ADAMTSL1: variants seen among roughly 807,000 people sequenced by gnomAD.
The protein encoded by ADAMTSL1 is ADAMTS like 1.
In ADAMTSL1, 126 loss-of-function variants were observed where a neutral mutation model predicts 201.8. The ratio of observed to expected loss-of-function variants is 0.62; its 90% confidence interval spans 0.54 to 0.72. ADAMTSL1 has a LOEUF of 0.72. Among genes scored for constraint, ADAMTSL1 ranks in the 30% least tolerant of loss-of-function variants. The pLI, the probability that ADAMTSL1 is intolerant of heterozygous loss-of-function variation, is 0.00. For synonymous variants in ADAMTSL1, 1,121 were observed against 903.4 expected, an observed-to-expected ratio of 1.24 and a Z score of -4.32; for missense variants, 2,679 against 2,277.8, an observed-to-expected ratio of 1.18 and a Z score of -3.59.
intron 1 of ADAMTSL1, among the ~76,000 whole-genome samples, chr9:18,004,037 C>G (rs550547410): frequency 6.6e-6 from 1 of 152,064 alleles, no homozygotes; most frequent in East Asian, 1.9e-4. Context: ...GAAAATATTT[C>G]TTTTGATGAT....
At chr9:18,797,665 T>C (rs1822513033) in intron 20 of ADAMTSL1, among the ~76,000 whole-genome samples, 4 of 152,322 alleles carry the variant, frequency 2.6e-5, no homozygotes, top group Middle Eastern at 3.4e-3. Context: ...GTTATACTCC[T>C]TATTAGCTGT....
chr9:18,279,846 G>T lies in ADAMTSL1; in HGVS notation c.207+115865G>T, dbSNP rs144819607. On this transcript the variant is annotated intron_variant, in intron 2 of 29. Coordinates refer to the ADAMTSL1 transcript ENST00000680146. ...TAGGGTGGGCCAGCCTGGAGCCTGG[G>T]TCTGTGGGTGTTAGCCTGGATCCCG... 3.6e-3 allele frequency among the ~76,000 whole-genome samples: 544 copies of T among 152,226 alleles called. 3 individuals are homozygous for T. Among genetic ancestry groups the T allele is most frequent in the African/African-American group, 0.012 (515 of 41,564 alleles).
chr9:18,312,448 G>T (rs1400413807), intron 2 of ADAMTSL1, among the ~76,000 whole-genome samples: 1 of 152,218 alleles, frequency 6.6e-6, no homozygotes, highest in African/African-American at 2.4e-5. Context: ...AGGAGTTACA[G>T]GAAATGGCTG....
chr9:18,809,984 A>G (rs961250921), intron 20 of ADAMTSL1, among the ~76,000 whole-genome samples: 2 of 152,154 alleles, frequency 1.3e-5, no homozygotes, highest in African/African-American at 4.8e-5. Context: ...GTCCAGCCAG[A>G]GATTATGGTA....
At chr9:17,974,526 C>A (rs965819432) in intron 1 of ADAMTSL1, among the ~76,000 whole-genome samples, 1 of 151,920 alleles carries the variant, frequency 6.6e-6, no homozygotes, top group Admixed American at 6.6e-5. Context: ...CCCAATGTTC[C>A]CACCCCTCAG....
chr9:18,095,231 G>C (rs571041103), intron 1 of ADAMTSL1, among the ~76,000 whole-genome samples: 18 of 152,026 alleles, frequency 1.2e-4, no homozygotes, highest in Admixed American at 9.2e-4. Flanking sequence ...CATCAGAAAG[G>C]GCTCACAGCC....
intron 1 of ADAMTSL1, among the ~76,000 whole-genome samples, chr9:18,050,462 G>C (rs897287588): frequency 2.4e-4 from 37 of 152,106 alleles, no homozygotes; most frequent in African/African-American, 8.2e-4. Context: ...TTATCTAAAT[G>C]AATCTAGCAT....
intron 2 of ADAMTSL1, among the ~76,000 whole-genome samples, chr9:18,330,164 T>C (rs1834973691): frequency 6.6e-6 from 1 of 152,214 alleles, no homozygotes; most frequent in South Asian, 2.1e-4. Flanking sequence ...TGTTGATACC[T>C]GGAGCTATCT....
At chr9:18,219,640 G>T (rs770346290) in intron 2 of ADAMTSL1, among the ~76,000 whole-genome samples, 2 of 152,110 alleles carry the variant, frequency 1.3e-5, no homozygotes, top group Non-Finnish European at 2.9e-5. Flanking sequence ...TTACAGGCAT[G>T]AGCCACTGTG....
At chr9:18,208,970 G>A (rs1161433263) in intron 2 of ADAMTSL1, among the ~76,000 whole-genome samples, 1 of 149,812 alleles carries the variant, frequency 6.7e-6, no homozygotes. Flanking sequence ...AACAATGAAT[G>A]ACTTCACAGG....
intron 1 of ADAMTSL1, among the ~76,000 whole-genome samples, chr9:18,153,306 A>G (rs1827002271): frequency 6.6e-6 from 1 of 152,070 alleles, no homozygotes; most frequent in African/African-American, 2.4e-5. Context: ...TATTAGATAA[A>G]TGCTCTTGGG....
chr9:18,077,561 A>G (rs536114385), intron 1 of ADAMTSL1, among the ~76,000 whole-genome samples: 4 of 152,298 alleles, frequency 2.6e-5, no homozygotes, highest in African/African-American at 9.6e-5. Context: ...GTTATCGGTG[A>G]TCTCACTGAG....
intron 2 of ADAMTSL1, among the ~76,000 whole-genome samples, chr9:18,176,327 T>G (rs1157020772): frequency 6.6e-6 from 1 of 152,142 alleles, no homozygotes; most frequent in Non-Finnish European, 1.5e-5. Context: ...ACAACAATAG[T>G]AATAATTATT....
intron 1 of ADAMTSL1, among the ~76,000 whole-genome samples, chr9:18,057,206 G>C (rs1408249114): frequency 6.6e-6 from 1 of 152,108 alleles, no homozygotes; most frequent in African/African-American, 2.4e-5. Context: ...GCCACAAAAA[G>C]AATTACTGTG....
intron 2 of ADAMTSL1, among the ~76,000 whole-genome samples, chr9:18,367,843 G>A (rs979745584): frequency 3.9e-5 from 6 of 151,956 alleles, no homozygotes; most frequent in Admixed American, 3.3e-4. Context: ...GGGCAGGTGG[G>A]CAGTCAGACA....
intron 1 of ADAMTSL1, among the ~76,000 whole-genome samples, chr9:18,017,323 A>G (rs1035043648): frequency 2.9e-4 from 44 of 151,992 alleles, no homozygotes; most frequent in African/African-American, 8.4e-4. Flanking sequence ...TTTTTGGAAT[A>G]TGCTTCCAAG....
At chr9:18,517,025 TGTTA>T (rs1818400138) in intron 2 of ADAMTSL1, among the ~76,000 whole-genome samples, 1 of 152,232 alleles carries the variant, frequency 6.6e-6, no homozygotes, top group Non-Finnish European at 1.5e-5. Context: ...CAGGAGAGGT[TGTTA>T]GAGTCCTAGA....
At chr9:18,315,677 C>A (rs978722533) in intron 2 of ADAMTSL1, among the ~76,000 whole-genome samples, 1 of 152,158 alleles carries the variant, frequency 6.6e-6, no homozygotes, top group Admixed American at 6.5e-5. Context: ...CCCACGAGCT[C>A]TGTTTGCAGC....
At chr9:18,340,140 G>A (rs1045900708) in intron 2 of ADAMTSL1, among the ~76,000 whole-genome samples, 2 of 152,066 alleles carry the variant, frequency 1.3e-5, no homozygotes, top group African/African-American at 4.8e-5. Context: ...GGAAATCTGG[G>A]GCTTCCCCAA....
Sources: allele counts gnomAD v4.1 joint callset (sites outside exome capture counted in the v4.1 genomes callset), GRCh38; gene constraint gnomAD v4.1.1; transcripts MANE v1.5; gene names NCBI Gene and HGNC (gene_info 2026-07-23, HGNC 2026-07-21).